Variants in FBXO42 observed in about 807,000 individuals in gnomAD.
FBXO42 encodes the protein F-box protein 42.
Under a neutral mutation model 71.7 loss-of-function variants are expected in FBXO42, and 12 were observed. That is an observed-to-expected ratio of 0.17 (90% CI 0.11 to 0.27). FBXO42 has a LOEUF of 0.27. FBXO42 is among the 10% of genes least tolerant of loss of function. The pLI is 1.00. For missense variants in FBXO42, 707 were observed against 911.9 expected, an observed-to-expected ratio of 0.78 and a Z score of 2.89; for synonymous variants, 325 against 327.5, an observed-to-expected ratio of 0.99 and a Z score of 0.08.
intron 1 of FBXO42, among the ~76,000 whole-genome samples, chr1:16,342,301 CAGG>C (rs1485178086): frequency 6.8e-6 from 1 of 147,106 alleles, no homozygotes; most frequent in Non-Finnish European, 1.5e-5. Flanking sequence ...GAGGCTGAGG[CAGG>C]AGAATTGCTT....
At chr1:16,292,896 A>G (rs754584549) in intron 4 of FBXO42, 3 of 152,164 alleles carry the variant, frequency 2.0e-5, no homozygotes, top group Non-Finnish European at 4.4e-5. Flanking sequence ...TATATTTTAG[A>G]ATCCATAACT....
chr1:16,283,494 G>GTTT (rs386366300), intron 4 of FBXO42, among the ~76,000 whole-genome samples: 18,824 of 80,592 alleles, frequency 0.23, 2,793 homozygotes, highest in Non-Finnish European at 0.28. Flanking sequence ...ACTGTGGCAA[G>GTTT]TTTTTTTTTT....
rs2081759002 is a variant in FBXO42, at chr1:16,265,300, AG to A, written c.503-8542del. Among the ~76,000 whole-genome samples, 10 of 152,278 alleles carry A rather than the reference AG, an allele frequency of 6.6e-5. 1 individual carries two copies. The South Asian group carries it at 2.1e-3, about 32-fold the overall frequency. ...AAGATGGGGTTTCTCCATGTTGGTC[AG>A]GCTGGTCTCGAACTCCCAACCTCAG... On this transcript the variant is annotated intron_variant, in intron 4 of 9. Transcript: ENST00000375592.
chr1:16,345,509 A>G (rs1417410897), intron 1 of FBXO42, among the ~76,000 whole-genome samples: 1 of 151,920 alleles, frequency 6.6e-6, no homozygotes, highest in East Asian at 1.9e-4. Context: ...TGTAGCAATG[A>G]GCATCCCTAG....
rs142730122 is a variant in FBXO42 at position 16,286,598 on chromosome 1, C to T, written c.502+8185G>A. Among the ~76,000 whole-genome samples the T allele has an allele frequency of 9.6e-3, 1,464 of 152,266 alleles. 9 individuals carry two copies. The highest frequency in any genetic ancestry group is 0.019 in the South Asian group (91 of 4,818). ...ATTTGGGTGGGGACACAGGGCCAAACTATATTACTAACTAATAGGCTAATG... is the reference window on the plus strand; with the variant it reads ...ATTTGGGTGGGGACACAGGGCCAAATTATATTACTAACTAATAGGCTAATG... On this transcript the variant is annotated intron_variant, in intron 4 of 9. Coordinates refer to ENST00000375592, the MANE Select transcript of FBXO42 (RefSeq NM_018994.3).
At chr1:16,329,178 A>G (rs1193077592) in intron 1 of FBXO42, among the ~76,000 whole-genome samples, 14 of 151,422 alleles carry the variant, frequency 9.2e-5, no homozygotes, top group South Asian at 2.1e-4. Flanking sequence ...AAAAAAAAAA[A>G]AAAAGAAAAT....
chr1:16,271,976 CAA>C (rs112291081), intron 4 of FBXO42, among the ~76,000 whole-genome samples: 15 of 109,744 alleles, frequency 1.4e-4, no homozygotes, highest in Non-Finnish European at 1.6e-4. Flanking sequence ...CCGTTTCTAC[CAA>C]AAAAAAAAAA....
chr1:16,258,999 C>T (rs1461292320), intron 4 of FBXO42, among the ~76,000 whole-genome samples: 1 of 152,178 alleles, frequency 6.6e-6, no homozygotes, highest in Non-Finnish European at 1.5e-5. Flanking sequence ...CTCAGCCTCC[C>T]AAAGTGCTGG....
chr1:16,268,340 C>G (rs746478399), intron 4 of FBXO42, among the ~76,000 whole-genome samples: 1 of 152,178 alleles, frequency 6.6e-6, no homozygotes, highest in Non-Finnish European at 1.5e-5. Flanking sequence ...CCACTCTTCT[C>G]TTTAGCAGGA....
intron 4 of FBXO42, among the ~76,000 whole-genome samples, chr1:16,276,566 C>G (rs984248299): frequency 7.2e-5 from 11 of 152,092 alleles, no homozygotes; most frequent in Admixed American, 6.6e-4. Context: ...AGAAATGACT[C>G]AGGGATAGTA....
rs191692846 is a variant in FBXO42, at chr1:16,252,945, C to T, written c.921+151G>A. On this transcript the variant is annotated intron_variant, in intron 8 of 9. Coordinates refer to ENST00000375592, the MANE Select transcript of FBXO42 (RefSeq NM_018994.3). This position sits in a 1 kb window ranked among gnomAD's most constrained non-coding sequence, Gnocchi z 4.4. Reference sequence around the variant, plus strand: ...CCCTAAAAAAAAGCAGAAACAAAGGCCAGAAAATACAAAGGCTATACCCAA... The same window carrying T: ...CCCTAAAAAAAAGCAGAAACAAAGGTCAGAAAATACAAAGGCTATACCCAA... 305 of 582,090 alleles carry T rather than the reference C, an allele frequency of 5.2e-4. No homozygotes were observed. The East Asian group carries it at 9.7e-3, about 18-fold the overall frequency. The allele number at this position is 582,090 out of a possible 1,614,324, so 36.1% of individuals were successfully genotyped here. A position where few individuals can be genotyped will look rare whatever the true frequency, so the allele number is the denominator to read the frequency against.
chr1:16,295,668 C>T (rs943780336), intron 3 of FBXO42, among the ~76,000 whole-genome samples: 3 of 152,188 alleles, frequency 2.0e-5, no homozygotes, highest in Non-Finnish European at 4.4e-5. Context: ...GCTGGGATTA[C>T]AGGCATGAGC....
intron 3 of FBXO42, among the ~76,000 whole-genome samples, chr1:16,300,518 G>A (rs1396300211): frequency 5.3e-5 from 8 of 152,124 alleles, no homozygotes; most frequent in Admixed American, 4.6e-4. Context: ...ATTTTCAGAC[G>A]TCAAATTCTC....
chr1:16,327,765 C>T (rs1316022032), intron 1 of FBXO42, among the ~76,000 whole-genome samples: 5 of 152,144 alleles, frequency 3.3e-5, no homozygotes, highest in African/African-American at 1.2e-4. Context: ...TGCAATGGTG[C>T]AATCTCTGCT....
intron 3 of FBXO42, among the ~76,000 whole-genome samples, chr1:16,298,070 C>T (rs955488878): frequency 3.3e-5 from 5 of 151,424 alleles, no homozygotes; most frequent in Admixed American, 2.6e-4. Flanking sequence ...ACTAAAAATA[C>T]AAAAATTGGT....
intron 5 of FBXO42, 121 bp from the exon 6 acceptor site, chr1:16,255,942 A>G (rs2081638499): frequency 7.2e-6 from 5 of 698,490 alleles, no homozygotes; most frequent in South Asian, 1.9e-5. Context: ...TTGTTGGGAT[A>G]ATAAGTAGAG....
intron 1 of FBXO42, among the ~76,000 whole-genome samples, chr1:16,326,684 A>C (rs1448491347): frequency 1.6e-5 from 1 of 63,968 alleles, no homozygotes; most frequent in African/African-American, 6.2e-5. Context: ...ACCCTGTCTC[A>C]AAAAAAAAAA....
chr1:16,326,980 A>G (rs2082457609), intron 1 of FBXO42, among the ~76,000 whole-genome samples: 1 of 152,180 alleles, frequency 6.6e-6, no homozygotes, highest in Non-Finnish European at 1.5e-5. Context: ...GCTCACTTAC[A>G]CAGCACCATC....
At chr1:16,310,727 GCTCACGT>G (rs2082304645) in intron 2 of FBXO42, among the ~76,000 whole-genome samples, 1 of 152,082 alleles carries the variant, frequency 6.6e-6, no homozygotes, top group South Asian at 2.1e-4. Context: ...AGGCGCGGTG[GCTCACGT>G]CTGTAATCCT....
Sources: allele counts gnomAD v4.1 joint callset (sites outside exome capture counted in the v4.1 genomes callset), GRCh38; gene constraint gnomAD v4.1.1; non-coding constraint Gnocchi (gnomAD v3.1); transcripts MANE v1.5; gene names NCBI Gene and HGNC (gene_info 2026-07-23, HGNC 2026-07-21).